The following CEP192 variants were observed in gnomAD, a reference collection of about 807,000 sequenced individuals.
The protein encoded by CEP192 is centrosomal protein of 192 kDa.
CEP192 carries 151 observed loss-of-function variants against 271.8 expected under a neutral mutation model. The observed-to-expected ratio is 0.56, with a 90% CI of 0.49 to 0.64. The LOEUF (loss-of-function observed/expected upper bound fraction) is 0.64, where lower values mean the gene tolerates loss of function less well. Among genes scored for constraint, CEP192 ranks in the 30% least tolerant of loss-of-function variants. The pLI, the probability that CEP192 is intolerant of heterozygous loss-of-function variation, is 0.00. For missense variants in CEP192, 2,910 were observed against 3,020.5 expected (o/e 0.96, Z 0.86); for synonymous variants, 995 against 1,076.5 (o/e 0.92, Z 1.48).
chr18:13,060,743 T>C (rs2037365358), intron 21 of CEP192, among the ~76,000 whole-genome samples: 1 of 151,734 alleles, frequency 6.6e-6, no homozygotes, highest in African/African-American at 2.4e-5. Context: ...GACAACATAG[T>C]GAGACCATGT....
intron 11 of CEP192, among the ~76,000 whole-genome samples, chr18:13,033,085 A>G (rs926162164): frequency 8.5e-5 from 13 of 152,194 alleles, no homozygotes; most frequent in African/African-American, 3.1e-4. Flanking sequence ...GCTGTTGGCT[A>G]TGCAGATGTG....
At chr18:13,060,841 T>A (rs2037370635) in intron 21 of CEP192, among the ~76,000 whole-genome samples, 1 of 151,926 alleles carries the variant, frequency 6.6e-6, no homozygotes, top group Admixed American at 6.6e-5. Context: ...AGAGGATCAC[T>A]AGAGCTCAGG....
rs549382809 is a variant in CEP192, at chr18:13,112,087, A to G, written c.7048-1499A>G. Among the ~76,000 whole-genome samples the G allele has an allele frequency of 7.2e-5, 11 of 152,372 alleles. 1 individual carries two copies. In the East Asian group the frequency reaches 1.5e-3, roughly 21 times the overall value. On this transcript the variant is annotated intron_variant, in intron 40 of 44. Coordinates refer to ENST00000506447, the MANE Select transcript of CEP192 (RefSeq NM_032142.4). ...TTGGCAGTTTCTCAATAAGCCAAACATAGAATTACTGCATGACCCAGCAGT... is the reference window on the plus strand; with the variant it reads ...TTGGCAGTTTCTCAATAAGCCAAACGTAGAATTACTGCATGACCCAGCAGT...
In CEP192 at chr18:13,051,359, A is replaced by ATGTGTT. The variant is rs201518867; in HGVS notation, c.3017+1474_3017+1479dup. On this transcript the variant is annotated intron_variant, in intron 17 of 44. Transcript: ENST00000506447. ...TTCCGTGCTGTATCATACTGTGTGT[A>ATGTGTT]TGTGTTTGTGTGTGTGTGTGTGCGT... is the stretch of plus-strand genomic sequence containing the variant. 2.3e-3 allele frequency among the ~76,000 whole-genome samples: 342 copies of ATGTGTT among 151,228 alleles called. 1 individual carries two copies. Among genetic ancestry groups the ATGTGTT allele is most frequent in the African/African-American group, 7.4e-3 (303 of 40,718 alleles).
intron 4 of CEP192, among the ~76,000 whole-genome samples, chr18:13,011,264 A>G (rs893509933): frequency 6.6e-6 from 1 of 151,830 alleles, no homozygotes; most frequent in African/African-American, 2.4e-5. Flanking sequence ...CAGAACCACA[A>G]TGAGATGCTG....
chr18:13,037,772 C>T (rs1363369038), intron 12 of CEP192, among the ~76,000 whole-genome samples: 1 of 152,118 alleles, frequency 6.6e-6, no homozygotes, highest in Non-Finnish European at 1.5e-5. Flanking sequence ...CTAGACTTGT[C>T]TGGAACTCCT....
chr18:13,029,698 C>G lies in CEP192; in HGVS notation c.1086C>G (p.Leu362=), dbSNP rs370366607. 9.7e-6 allele frequency: 15 copies of G among 1,548,706 alleles called. No homozygotes were observed. In the South Asian group the frequency reaches 1.6e-4, roughly 16 times the overall value. Residue 362 remains leucine, a synonymous_variant, in exon 10 of 45, where the codon CTC becomes CTG. Coordinates refer to ENST00000506447, the MANE Select transcript of CEP192 (RefSeq NM_032142.4). The part of the protein sequence containing the change: ...CASKDVLVKT[L]RAIDVKLNSD... ...GTAAAGATGTTCTGGTGAAGACCCT[C>G]AGGGCTATTGATGTGAAACTTAACT... is the stretch of plus-strand genomic sequence containing the variant.
chr18:13,039,435 A>C (rs1481671436), intron 13 of CEP192, among the ~76,000 whole-genome samples: 1 of 148,296 alleles, frequency 6.7e-6, no homozygotes, highest in Non-Finnish European at 1.5e-5. Flanking sequence ...CAGCCTGGGC[A>C]ACAGAGCGAG....
At chr18:12,993,230 G>T (rs2032987222) in intron 1 of CEP192, among the ~76,000 whole-genome samples, 1 of 152,168 alleles carries the variant, frequency 6.6e-6, no homozygotes, top group African/African-American at 2.4e-5. Context: ...GATGGATTTG[G>T]GTGAAGACTA....
chr18:13,112,324 G>A (rs1002667711), intron 40 of CEP192, among the ~76,000 whole-genome samples: 1 of 152,216 alleles, frequency 6.6e-6, no homozygotes, highest in East Asian at 1.9e-4. Context: ...GCTATATCCA[G>A]ATGGGTGAAC....
chr18:13,018,369 A>G (rs1599081975), intron 7 of CEP192, 111 bp from the exon 8 acceptor site: 8 of 617,258 alleles, frequency 1.3e-5, no homozygotes, highest in East Asian at 1.2e-4. Flanking sequence ...CGATTTTTCT[A>G]ATTCCTTCTA....
Position 13,100,318 on chromosome 18 carries a change from T to C in CEP192, c.6677T>C (p.Val2226Ala). The C allele has an allele frequency of 6.2e-7, 1 of 1,613,756 alleles. No homozygotes were observed. Among genetic ancestry groups the C allele is most frequent in the Admixed American group, 1.7e-5 (1 of 60,024 alleles). ...GGCTCATTTCAGAAAATTGTGAAAG[T>C]TCAAATTCGAGAAGATTTAACTCAA... ...CDDGQKKIVK[V>A]QIREDLTQVE... Residue 2226 changes from valine (V) to alanine (A), a missense_variant, in exon 38 of 45, where the codon GTT becomes GCT. Physicochemically the swap from Val to Ala is moderately conservative, Grantham distance 64. Coordinates refer to ENST00000506447, the MANE Select transcript of CEP192 (RefSeq NM_032142.4).
At chr18:13,099,340 G>GGA in intron 36 of CEP192, 136 bp from the exon 37 acceptor site, 1 of 565,640 alleles carries the variant, frequency 1.8e-6, no homozygotes, top group Admixed American at 3.5e-5. Context: ...GAGCCGCATG[G>GGA]GAGTGAGCTC....
chr18:13,057,899 G>GC, intron 20 of CEP192, 166 bp downstream of exon 20: 1 of 437,074 alleles, frequency 2.3e-6, no homozygotes, highest in Non-Finnish European at 3.9e-6. Flanking sequence ...TGCTTGTAGA[G>GC]TGTAAAGTGA....
rs563248173 is a variant in CEP192, at chr18:13,057,680, C to A, written c.4204C>A (p.Arg1402Ser). The A allele has an allele frequency of 1.9e-6, 3 of 1,614,028 alleles. No individual in the cohort carries two copies. The highest frequency in any genetic ancestry group is 2.5e-6 in the Non-Finnish European group (3 of 1,179,966). The change falls in exon 20 of 45, where the codon CGC becomes AGC. Residue 1402 changes from arginine (R) to serine (S), a missense_variant. By Grantham distance (110) the Arg-to-Ser change is moderately radical. Coordinates refer to ENST00000506447, the MANE Select transcript of CEP192 (RefSeq NM_032142.4). ...CCTCAGTGTGCTTAATCCAACTGAC[C>A]GCTGGCTGCAAGTCAGCATTGGGGT... is the stretch of plus-strand genomic sequence containing the variant. ...TLLSVLNPTDRWLQVSIGVLS... is the reference protein window; with the variant it reads ...TLLSVLNPTDSWLQVSIGVLS...
intron 2 of CEP192, 62 bp downstream of exon 2, chr18:12,999,650 ATGT>A (rs931520322): frequency 1.9e-5 from 23 of 1,214,998 alleles, no homozygotes; most frequent in Non-Finnish European, 2.4e-5. Flanking sequence ...GCTGATATTT[ATGT>A]TCTGTTTCTC....
At position 13,124,803 on chromosome 18, in the gene CEP192, T is replaced by G; in HGVS notation, c.*33T>G. 1 of 1,518,276 alleles carries G rather than the reference T, an allele frequency of 6.6e-7. No homozygotes were observed. The highest frequency in any genetic ancestry group is 9.1e-7 in the Non-Finnish European group (1 of 1,101,348). 94.1% of individuals were successfully genotyped at this position (1,518,276 alleles called of 1,614,324 possible). ...ACATTTTTGTGTAAAGTAAATTACATAAGTTGTATTTTGTTAACTTTATCT... is the reference window on the plus strand; with the variant it reads ...ACATTTTTGTGTAAAGTAAATTACAGAAGTTGTATTTTGTTAACTTTATCT... On this transcript the variant is annotated 3_prime_UTR_variant, in exon 45 of 45. Transcript: ENST00000506447.
chr18:13,028,249 G>A (rs541156077), intron 9 of CEP192, among the ~76,000 whole-genome samples: 4 of 152,284 alleles, frequency 2.6e-5, no homozygotes, highest in African/African-American at 9.6e-5. Flanking sequence ...TGTGATTAGG[G>A]TCCCTAAATC....
At position 13,057,030 on chromosome 18, in the gene CEP192, T is replaced by TG. The variant is rs1198862572; in HGVS notation, c.4108+332_4108+333insG. Reference sequence around the variant, plus strand: ...AGTGAGTGCCTCCACCTTGTGAGTCTCTGGGTGGCTGCTGTGGTGGAGAGG... The same window carrying TG: ...AGTGAGTGCCTCCACCTTGTGAGTCTGCTGGGTGGCTGCTGTGGTGGAGAGG... On this transcript the variant is annotated intron_variant, in intron 19 of 44. Coordinates refer to ENST00000506447, the MANE Select transcript of CEP192 (RefSeq NM_032142.4). Among the ~76,000 whole-genome samples, 9 of 152,298 alleles carry TG rather than the reference T, an allele frequency of 5.9e-5. No individual in the cohort carries two copies. In the East Asian group the frequency reaches 1.5e-3, roughly 26 times the overall value.
Sources: allele counts gnomAD v4.1 joint callset (sites outside exome capture counted in the v4.1 genomes callset), GRCh38; gene constraint gnomAD v4.1.1; transcripts MANE v1.5; gene names NCBI Gene and HGNC (gene_info 2026-07-23, HGNC 2026-07-21).